MSRA: variants seen among roughly 807,000 people sequenced by gnomAD.
MSRA encodes mitochondrial peptide methionine sulfoxide reductase.
In MSRA, 54 loss-of-function variants were observed where a neutral mutation model predicts 31.3. That is an observed-to-expected ratio of 1.73 (90% CI 1.39 to 2.17). The LOEUF is 2.17. Among genes scored for constraint, MSRA ranks in the 30% most tolerant of loss-of-function variants. The probability of loss-of-function intolerance (pLI) is 0.00; values close to 1 mark genes in which losing one functional copy is unlikely to be tolerated. For missense variants in MSRA, 507 were observed against 300.9 expected (o/e 1.69, Z -5.07); for synonymous variants, 169 against 116.5 (o/e 1.45, Z -2.90).
chr8:10,418,517 C>T (rs956898578), intron 5 of MSRA, among the ~76,000 whole-genome samples: 1 of 151,964 alleles, frequency 6.6e-6, no homozygotes, highest in African/African-American at 2.4e-5. Flanking sequence ...TGGATGGACT[C>T]CAGAGGGTCA....
At chr8:10,154,270 G>A (rs947226297) in intron 1 of MSRA, among the ~76,000 whole-genome samples, 3 of 142,914 alleles carry the variant, frequency 2.1e-5, no homozygotes, top group African/African-American at 8.0e-5. Flanking sequence ...TTCTTACCAA[G>A]GTTACGGCAG....
At chr8:10,074,441 G>A (rs972036037) in intron 1 of MSRA, among the ~76,000 whole-genome samples, 1 of 152,070 alleles carries the variant, frequency 6.6e-6, no homozygotes, top group Non-Finnish European at 1.5e-5. Context: ...ACTGAAAAGA[G>A]TGGGATGAAG....
intron 2 of MSRA, among the ~76,000 whole-genome samples, chr8:10,217,643 A>G (rs1325639250): frequency 6.6e-6 from 1 of 150,492 alleles, no homozygotes; most frequent in Non-Finnish European, 1.5e-5. Context: ...CTACATCCCC[A>G]CTCCCTCCCC....
At chr8:10,352,445 G>C (rs982313005) in intron 5 of MSRA, among the ~76,000 whole-genome samples, 10 of 152,178 alleles carry the variant, frequency 6.6e-5, no homozygotes, top group Non-Finnish European at 1.0e-4. Flanking sequence ...AGTTGAAGAG[G>C]AGGCAGGGAG....
intron 2 of MSRA, among the ~76,000 whole-genome samples, chr8:10,216,502 C>T (rs1441038627): frequency 6.6e-6 from 1 of 152,002 alleles, no homozygotes; most frequent in Non-Finnish European, 1.5e-5. Flanking sequence ...TGTTTTGTAC[C>T]CATCACCACC....
chr8:10,409,916 T>C (rs1187739974), intron 5 of MSRA, among the ~76,000 whole-genome samples: 1 of 152,112 alleles, frequency 6.6e-6, no homozygotes, highest in African/African-American at 2.4e-5. Context: ...AGAATTAGCC[T>C]GGCATGGGTG....
chr8:10,200,751 T>C (rs1438458623), intron 1 of MSRA, among the ~76,000 whole-genome samples: 1 of 152,162 alleles, frequency 6.6e-6, no homozygotes, highest in Non-Finnish European at 1.5e-5. Flanking sequence ...AAACACCATA[T>C]CGCACATTGT....
intron 3 of MSRA, among the ~76,000 whole-genome samples, chr8:10,253,001 G>A (rs1488938674): frequency 6.6e-6 from 1 of 152,166 alleles, no homozygotes; most frequent in Non-Finnish European, 1.5e-5. Flanking sequence ...CCAAAGAGAC[G>A]TGCACATTTT....
chr8:10,327,966 C>T (rs756769758), intron 5 of MSRA, among the ~76,000 whole-genome samples: 13 of 150,818 alleles, frequency 8.6e-5, no homozygotes, highest in Non-Finnish European at 1.2e-4. Context: ...TACTCACCTG[C>T]GCTACCAATG....
At chr8:10,257,221 T>G (rs1342004262) in intron 3 of MSRA, among the ~76,000 whole-genome samples, 1 of 151,908 alleles carries the variant, frequency 6.6e-6, no homozygotes, top group Non-Finnish European at 1.5e-5. Context: ...CTTGAGAGGA[T>G]CCTTAGGCAG....
chr8:10,094,711 AGT>A (rs892331448), intron 1 of MSRA, among the ~76,000 whole-genome samples: 2 of 152,222 alleles, frequency 1.3e-5, no homozygotes, highest in African/African-American at 4.8e-5. Context: ...AAACCAGGTA[AGT>A]GTGTGAAGCA....
chr8:10,199,882 C>A (rs1178475016), intron 1 of MSRA, among the ~76,000 whole-genome samples: 1 of 152,154 alleles, frequency 6.6e-6, no homozygotes, highest in Non-Finnish European at 1.5e-5. Flanking sequence ...AACACTAACT[C>A]CTGGCACTTA....
intron 5 of MSRA, among the ~76,000 whole-genome samples, chr8:10,396,152 G>A (rs1330051885): frequency 2.0e-5 from 3 of 152,102 alleles, no homozygotes; most frequent in Non-Finnish European, 2.9e-5. Flanking sequence ...GTTTACTGGG[G>A]CCACTTTCCG....
At position 10,233,457 on chromosome 8, in the gene MSRA, A is replaced by G. The variant is rs372102830; in HGVS notation, c.212-11647A>G. Among the ~76,000 whole-genome samples, 5 of 152,376 alleles carry G rather than the reference A, an allele frequency of 3.3e-5. No homozygotes were observed. The South Asian group carries it at 6.2e-4, about 19-fold the overall frequency. On this transcript the variant is annotated intron_variant, in intron 2 of 5. Coordinates refer to ENST00000317173, the MANE Select transcript of MSRA (RefSeq NM_012331.5). ...TTAAAATGTGTGTTTAGGATGTTCA[A>G]AGAGGTCAGTGAAGAAATAATAAAC...
At chr8:10,397,276 C>G (rs2129182325) in intron 5 of MSRA, among the ~76,000 whole-genome samples, 1 of 152,288 alleles carries the variant, frequency 6.6e-6, no homozygotes, top group South Asian at 2.1e-4. Context: ...TAAGCTTCTC[C>G]CTTTGAATCA....
chr8:10,384,020 G>A (rs1035519003), intron 5 of MSRA, among the ~76,000 whole-genome samples: 9 of 152,120 alleles, frequency 5.9e-5, no homozygotes, highest in South Asian at 4.2e-4. Context: ...GAGTCACCCC[G>A]AAATCCGTGA....
At chr8:10,255,298 G>C (rs2129089068) in intron 3 of MSRA, among the ~76,000 whole-genome samples, 1 of 152,350 alleles carries the variant, frequency 6.6e-6, no homozygotes, top group East Asian at 1.9e-4. Flanking sequence ...CTGTGCAGAG[G>C]GAAGGGGCCT....
chr8:10,151,506 C>T (rs28630503), intron 1 of MSRA, among the ~76,000 whole-genome samples: 49,458 of 151,780 alleles, frequency 0.33, 8,286 homozygotes, highest in East Asian at 0.44. Context: ...AAAAATTAGC[C>T]GGGCGTGTTG....
chr8:10,163,249 T>C (rs1435976857), intron 1 of MSRA, among the ~76,000 whole-genome samples: 1 of 152,174 alleles, frequency 6.6e-6, no homozygotes, highest in Non-Finnish European at 1.5e-5. Flanking sequence ...TGGCAGTTCG[T>C]TATAGCAGCC....
Sources: allele counts gnomAD v4.1 joint callset (sites outside exome capture counted in the v4.1 genomes callset), GRCh38; gene constraint gnomAD v4.1.1; transcripts MANE v1.5; gene names NCBI Gene and HGNC (gene_info 2026-07-23, HGNC 2026-07-21).